CKB: variants seen among roughly 807,000 people sequenced by gnomAD.
CKB encodes creatine kinase B, also known as creatine kinase B-type.
Under a neutral mutation model 36.9 loss-of-function variants are expected in CKB, and 15 were observed. That is an observed-to-expected ratio of 0.41 (90% confidence interval 0.27 to 0.63). The LOEUF is 0.63. Ranked by LOEUF, CKB falls within the 20% of genes least tolerant of loss-of-function variation. CKB has a pLI of 0.34. For synonymous variants in CKB, 250 were observed against 228.2 expected, an observed-to-expected ratio of 1.10 and a Z score of -0.86; for missense variants, 413 against 534.9, an observed-to-expected ratio of 0.77 and a Z score of 2.25.
intron 6 of CKB, 25 bp downstream of exon 6, chr14:103,520,443 GT>G (rs1222645490): frequency 1.3e-6 from 2 of 1,595,156 alleles, no homozygotes; most frequent in African/African-American, 2.7e-5. Flanking sequence ...GGGCCCTGGG[GT>G]CTGGGCCTGC....
chr14:103,520,297 G>T lies in CKB; in HGVS notation c.792C>A (p.Phe264Leu). The T allele has an allele frequency of 6.2e-7, 1 of 1,607,436 alleles. No individual in the cohort carries two copies. Among genetic ancestry groups the T allele is most frequent in the Non-Finnish European group, 8.5e-7 (1 of 1,175,912 alleles). ...ACATGAACTCATAGTCCTTAGACTT[G>T]AAGAGAGTTTCAATCTGCAGACGGA... ...CTGLTQIETL[F>L]KSKDYEFMWN... Residue 264 changes from phenylalanine (F) to leucine (L), a missense_variant, in exon 7 of 8, where the codon TTC becomes TTA. Phe to Leu is a conservative substitution (Grantham distance 22, BLOSUM62 0). Coordinates refer to ENST00000348956, the MANE Select transcript of CKB (RefSeq NM_001823.5).
chr14:103,520,086 A>G (rs2075889490), intron 7 of CKB, 36 bp downstream of exon 7: 3 of 1,604,428 alleles, frequency 1.9e-6, no homozygotes, highest in East Asian at 2.2e-5. Context: ...GGGCTGCCCA[A>G]AGGCCACGGG....
At position 103,522,058 on chromosome 14, in the gene CKB, C is replaced by T; in HGVS notation, c.313G>A (p.Glu105Lys). 6.4e-7 allele frequency: 1 copy of T among 1,553,904 alleles called. No homozygotes were observed. The highest frequency in any genetic ancestry group is 8.7e-7 in the Non-Finnish European group (1 of 1,149,244). ...DRHGGYKPSDEHKTDLNPDNL... is the reference protein window; with the variant it reads ...DRHGGYKPSDKHKTDLNPDNL... ...TCGGGGTTGAGGTCGGTCTTGTGCT[C>T]ATCGCTGGGCTTGTAGCCGCCGTGC... Residue 105 changes from glutamate (E) to lysine (K), a missense_variant, in exon 3 of 8, where the codon GAG becomes AAG. Around this residue, in one of 3 missense-constraint regions of CKB, gnomAD observed 314 missense variants for 409.4 expected, o/e 0.77. Transcript: ENST00000348956. This position sits in a 1 kb window ranked among gnomAD's most constrained non-coding sequence, Gnocchi z 6.7.
intron 5 of CKB, 178 bp downstream of exon 5, chr14:103,521,085 G>C: frequency 1.2e-6 from 1 of 821,862 alleles, no homozygotes; most frequent in Non-Finnish European, 2.0e-6. Flanking sequence ...GCTCGGCCAA[G>C]GTCACCGGCG....
chr14:103,519,985 A>C lies in CKB; in HGVS notation c.1025T>G (p.Leu342Arg). Residue 342 changes from leucine to arginine, a missense_variant, in exon 8 of 8, where the codon CTG (leucine) becomes CGG (arginine). Coordinates refer to ENST00000348956, the MANE Select transcript of CKB (RefSeq NM_001823.5). ...GVFDVSNADRLGFSEVELVQM... is the reference protein window; with the variant it reads ...GVFDVSNADRRGFSEVELVQM... ...CACCAGCTCCACCTCTGAGAAGCCC[A>C]GGCGGTCAGCGTTGGAGACGTCGAA... 4 of 1,611,166 alleles carry C rather than the reference A, an allele frequency of 2.5e-6. No individual in the cohort carries two copies. Among genetic ancestry groups the C allele is most frequent in the Non-Finnish European group, 3.4e-6 (4 of 1,179,978 alleles).
chr14:103,522,004 C>T lies in CKB; in HGVS notation c.348+19G>A. On this transcript the variant is annotated intron_variant, in intron 3 of 7. Transcript: ENST00000348956. This position sits in a 1 kb window ranked among gnomAD's most constrained non-coding sequence, Gnocchi z 6.7. ...GAAGACCCCGGCCCCGCCCGCCCGG[C>T]CCGCCCGCAGCCCCGCACCTGCAGG... The T allele has an allele frequency of 6.6e-7, 1 of 1,521,796 alleles. No homozygotes were observed. Among genetic ancestry groups the T allele is most frequent in the Middle Eastern group, 2.2e-4 (1 of 4,474 alleles). 94.3% of individuals were successfully genotyped at this position (1,521,796 alleles called of 1,614,324 possible).
At chr14:103,521,989 G>GCCCCCCCCC in intron 3 of CKB, 34 bp downstream of exon 3, 24 of 1,542,664 alleles carry the variant, frequency 1.6e-5, no homozygotes, top group Non-Finnish European at 1.9e-5. Context: ...GAAGACCCCG[G>GCCCCCCCCC]CCCCGCCCGC....
Position 103,522,513 on chromosome 14 carries a change from G to C in CKB, c.-12-8C>G, listed in dbSNP as rs1218449590. ...GGGCATGGCGGCGGCGGGCTGCGGG[G>C]AGACGCGGGGTCAGAGGGGACCGGC... On this transcript the variant is annotated splice_region_variant and splice_polypyrimidine_tract_variant and intron_variant, in intron 1 of 7. Transcript: ENST00000348956. This position sits in a 1 kb window ranked among gnomAD's most constrained non-coding sequence, Gnocchi z 6.7. The C allele has an allele frequency of 6.4e-7, 1 of 1,556,752 alleles. No homozygotes were observed. The highest frequency in any genetic ancestry group is 1.4e-5 in the African/African-American group (1 of 71,398).
At position 103,522,431 on chromosome 14, in the gene CKB, G is replaced by C. The variant is rs1595996463; in HGVS notation, c.63C>G (p.Pro21=). ...KLRFPAEDEF[P]DLSAHNNHMA... ...TGTGGTTGTTGTGGGCGCTCAGGTC[G>C]GGGAACTCGTCCTCGGCCGGGAAGC... Residue 21 remains proline, a synonymous_variant, in exon 2 of 8, where the codon CCC becomes CCG. Transcript: ENST00000348956. The surrounding 1 kb of genome is among the most constrained non-coding windows in gnomAD (Gnocchi z 6.7). 1 of 1,610,444 alleles carries C rather than the reference G, an allele frequency of 6.2e-7. No individual in the cohort carries two copies. The highest frequency in any genetic ancestry group is 8.5e-7 in the Non-Finnish European group (1 of 1,178,820).
rs1595996625 is a variant in CKB, at chr14:103,522,570, T to A, written c.-12-65A>T. On this transcript the variant is annotated intron_variant, in intron 1 of 7. Transcript: ENST00000348956. This position sits in a 1 kb window ranked among gnomAD's most constrained non-coding sequence, Gnocchi z 6.7. The stretch of plus-strand genomic sequence containing the variant: ...GGGTTCCCGGGCTCCCGCGTACCAC[T>A]CAGGCCCCCGCCGCCGGGCCCCCCG... 531 of 360,222 alleles carry A rather than the reference T, an allele frequency of 1.5e-3. No individual in the cohort carries two copies. Among genetic ancestry groups the A allele is most frequent in the Non-Finnish European group, 2.2e-3 (483 of 221,492 alleles). 22.3% of individuals were successfully genotyped at this position (360,222 alleles called of 1,614,324 possible).
rs2075885478 is a variant in CKB, at chr14:103,519,732, A to C, written c.*132T>G. On this transcript the variant is annotated 3_prime_UTR_variant, in exon 8 of 8. Transcript: ENST00000348956. ...CTTAGCCATCAAAAAAATAAACTCT[A>C]CCAAGGGTGACGGAAGTCTCTACAG... The C allele has an allele frequency of 2.9e-6, 3 of 1,051,724 alleles. No homozygotes were observed. Among genetic ancestry groups the C allele is most frequent in the African/African-American group, 1.6e-5 (1 of 63,102 alleles). 65.1% of individuals were successfully genotyped at this position (1,051,724 alleles called of 1,614,324 possible).
chr14:103,521,604 C>A, intron 4 of CKB, 170 bp from the exon 5 acceptor site: 1 of 913,182 alleles, frequency 1.1e-6, no homozygotes, highest in Non-Finnish European at 1.5e-6. Flanking sequence ...GGCGGTGACC[C>A]CGCGCCAGGA....
chr14:103,521,576 G>C, intron 4 of CKB, 142 bp from the exon 5 acceptor site: 1 of 973,388 alleles, frequency 1.0e-6, no homozygotes, highest in Non-Finnish European at 1.4e-6. Context: ...AGTCCTCACG[G>C]CCCGGGCGAC....
chr14:103,520,064 GC>G (rs747267441), intron 7 of CKB, 22 bp from the exon 8 acceptor site: 1 of 1,608,516 alleles, frequency 6.2e-7, no homozygotes, highest in South Asian at 1.1e-5. Context: ...GCAAGTCAGG[GC>G]GGAGGAAACA....
At chr14:103,521,558 G>A in intron 4 of CKB, 124 bp from the exon 5 acceptor site, 1 of 1,041,896 alleles carries the variant, frequency 9.6e-7, no homozygotes, top group Non-Finnish European at 1.3e-6. Flanking sequence ...CCGGATCTGC[G>A]GGCGTCCAGT....
Position 103,522,635 on chromosome 14 carries a change from G to C in CKB, c.-12-130C>G. The C allele has an allele frequency of 6.3e-6, 3 of 477,190 alleles. No individual in the cohort carries two copies. The highest frequency in any genetic ancestry group is 9.2e-6 in the Non-Finnish European group (3 of 325,114). The allele number at this position is 477,190 out of a possible 1,614,324, so 29.6% of individuals were successfully genotyped here. A position where few individuals can be genotyped will look rare whatever the true frequency, so the allele number is the denominator to read the frequency against. The stretch of plus-strand genomic sequence containing the variant: ...GCGGCCAAGGTCAGCGGGGTCCGCA[G>C]CGCGCGCGGGGAGCGCCATCATCGC... On this transcript the variant is annotated intron_variant, in intron 1 of 7. Transcript: ENST00000348956. This position sits in a 1 kb window ranked among gnomAD's most constrained non-coding sequence, Gnocchi z 6.7.
In CKB at chr14:103,519,925, T is replaced by A; in HGVS notation, c.1085A>T (p.Glu362Val). 6.2e-7 allele frequency: 1 copy of A among 1,609,608 alleles called. No individual in the cohort carries two copies. Among genetic ancestry groups the A allele is most frequent in the Non-Finnish European group, 8.5e-7 (1 of 1,179,944 alleles). The change falls in exon 8 of 8, where the codon GAG becomes GTG. Residue 362 changes from glutamate (E) to valine (V), a missense_variant. Glu to Val is a moderately radical substitution (Grantham distance 121, BLOSUM62 -2). Around this residue, in one of 3 missense-constraint regions of CKB, gnomAD observed 314 missense variants for 409.4 expected, o/e 0.77. Coordinates refer to ENST00000348956, the MANE Select transcript of CKB (RefSeq NM_001823.5). ...GCCCTGCTCCAGCCGCTGCTCCATC[T>A]CGATGAGCAGCTTCACTCCGTCCAC... ...MVVDGVKLLI[E>V]MEQRLEQGQA...
Position 103,522,517 on chromosome 14 carries a change from C to G in CKB, c.-12-12G>C, listed in dbSNP as rs1474878640. 4 of 1,387,110 alleles carry G rather than the reference C, an allele frequency of 2.9e-6. No homozygotes were observed. Among genetic ancestry groups the G allele is most frequent in the Non-Finnish European group, 2.9e-6 (3 of 1,046,500 alleles). The allele number at this position is 1,387,110 out of a possible 1,614,324, so 85.9% of individuals were successfully genotyped here. ...ATGGCGGCGGCGGGCTGCGGGGAGA[C>G]GCGGGGTCAGAGGGGACCGGCACGC... is the stretch of plus-strand genomic sequence containing the variant. On this transcript the variant is annotated splice_polypyrimidine_tract_variant and intron_variant, in intron 1 of 7. Transcript: ENST00000348956. This position sits in a 1 kb window ranked among gnomAD's most constrained non-coding sequence, Gnocchi z 6.7.
rs11545348 is a variant in CKB at position 103,522,171 on chromosome 14, G to A, written c.200C>T (p.Pro67Leu). Reference protein sequence around the residue: ...IQTGVDNPGHPYIMTVGCVAG... With the variant: ...IQTGVDNPGHLYIMTVGCVAG... ...CACGCAGCCCACGGTCATGATGTAC[G>A]GGTGGCCTGGGGGAGGGGGCGCGGG... The change falls in exon 3 of 8, where the codon CCG becomes CTG. Residue 67 changes from proline (P) to leucine (L), a missense_variant. Around this residue, in one of 3 missense-constraint regions of CKB, gnomAD observed 25 missense variants for 54.9 expected, o/e 0.46. Transcript: ENST00000348956. This position sits in a 1 kb window ranked among gnomAD's most constrained non-coding sequence, Gnocchi z 6.7. 1.9e-6 allele frequency: 3 copies of A among 1,603,614 alleles called. No individual in the cohort carries two copies. The highest frequency in any genetic ancestry group is 2.2e-5 in the South Asian group (2 of 89,750).
Sources: allele counts gnomAD v4.1 joint callset, GRCh38; gene constraint gnomAD v4.1.1; regional missense constraint gnomAD v4.1.1; non-coding constraint Gnocchi (gnomAD v3.1); transcripts MANE v1.5; gene names NCBI Gene and HGNC (gene_info 2026-07-23, HGNC 2026-07-21).